CNTN4: variants seen among roughly 807,000 people sequenced by gnomAD.
The protein encoded by CNTN4 is contactin 4.
CNTN4 carries 77 observed loss-of-function variants against 122.5 expected under a neutral mutation model. That is an observed-to-expected ratio of 0.63 (90% CI 0.52 to 0.76). CNTN4 has a LOEUF of 0.76. Among genes scored for constraint, CNTN4 ranks in the 30% least tolerant of loss-of-function variants. The probability of loss-of-function intolerance (pLI) is 0.00; values close to 1 mark genes in which losing one functional copy is unlikely to be tolerated. For missense variants in CNTN4, 1,256 were observed against 1,259.1 expected (o/e 1.00, Z 0.04); for synonymous variants, 512 against 447.0 (o/e 1.15, Z -1.83).
chr3:2,850,859 TTTAAC>T (rs536601969), intron 7 of CNTN4, among the ~76,000 whole-genome samples: 7 of 152,298 alleles, frequency 4.6e-5, no homozygotes, highest in African/African-American at 1.7e-4. Flanking sequence ...TGGGGAAACT[TTTAAC>T]TTAAGAATGT....
chr3:2,294,251 C>T (rs1270225386), intron 2 of CNTN4, among the ~76,000 whole-genome samples: 1 of 150,466 alleles, frequency 6.6e-6, no homozygotes, highest in African/African-American at 2.4e-5. Context: ...CAGGAGCTGC[C>T]AAGTTACATT....
intron 13 of CNTN4, among the ~76,000 whole-genome samples, chr3:2,962,113 C>T (rs2094866747): frequency 6.6e-6 from 1 of 152,210 alleles, no homozygotes; most frequent in Non-Finnish European, 1.5e-5. Context: ...TAGGTCAACC[C>T]TATATGATTT....
At chr3:2,415,156 G>A (rs904526765) in intron 3 of CNTN4, among the ~76,000 whole-genome samples, 1 of 152,168 alleles carries the variant, frequency 6.6e-6, no homozygotes, top group African/African-American at 2.4e-5. Context: ...GAGTCATACT[G>A]CAGTGTTAAA....
At chr3:2,528,818 AT>A (rs2149214454) in intron 3 of CNTN4, among the ~76,000 whole-genome samples, 1 of 151,954 alleles carries the variant, frequency 6.6e-6, no homozygotes, top group South Asian at 2.1e-4. Flanking sequence ...CTATTTCTTG[AT>A]TTTTTTCACT....
chr3:2,383,752 C>G (rs189298137), intron 3 of CNTN4, among the ~76,000 whole-genome samples: 2 of 149,592 alleles, frequency 1.3e-5, no homozygotes, highest in Admixed American at 6.7e-5. Flanking sequence ...TTCTCCCTCT[C>G]CTCTCTTCTC....
At position 2,955,560 on chromosome 3, in the gene CNTN4, T is replaced by C. The variant is rs116552928; in HGVS notation, c.1358+29781T>C. Among the ~76,000 whole-genome samples the C allele has an allele frequency of 6.4e-3, 979 of 152,300 alleles. 10 individuals are homozygous for C. Among genetic ancestry groups the C allele is most frequent in the African/African-American group, 0.021 (884 of 41,572 alleles). ...CCAGAAAGTCCCAGGAAAAGTCTCA[T>C]TGTAGCTTACTGACTCTGATTGAGT... On this transcript the variant is annotated intron_variant, in intron 13 of 24. Coordinates refer to ENST00000418658, the MANE Select transcript of CNTN4 (RefSeq NM_175607.3).
intron 6 of CNTN4, among the ~76,000 whole-genome samples, chr3:2,763,015 C>G (rs1576696275): frequency 6.7e-6 from 1 of 149,444 alleles, no homozygotes; most frequent in South Asian, 2.1e-4. Flanking sequence ...GATCTCAGCT[C>G]TCCACAAGCT....
intron 13 of CNTN4, among the ~76,000 whole-genome samples, chr3:2,949,645 A>C (rs553468691): frequency 6.6e-6 from 1 of 152,258 alleles, no homozygotes; most frequent in Admixed American, 6.5e-5. Flanking sequence ...ATTGCTCCTT[A>C]AATTCTACTC....
intron 4 of CNTN4, among the ~76,000 whole-genome samples, chr3:2,692,097 C>A (rs372448002): frequency 1.3e-5 from 2 of 151,802 alleles, no homozygotes; most frequent in Non-Finnish European, 2.9e-5. Flanking sequence ...ATCTCAGATT[C>A]TTAAACTTAA....
intron 2 of CNTN4, among the ~76,000 whole-genome samples, chr3:2,256,423 C>A (rs2040594483): frequency 6.6e-6 from 1 of 152,168 alleles, no homozygotes; most frequent in South Asian, 2.1e-4. Context: ...AAGAGGGAAT[C>A]CTCCCTAACT....
chr3:2,729,725 C>A (rs62234569), intron 4 of CNTN4, among the ~76,000 whole-genome samples: 2,548 of 151,844 alleles, frequency 0.017, 43 homozygotes, highest in East Asian at 0.07. Flanking sequence ...CCGGCCTGAC[C>A]AACATGCTGA....
chr3:2,224,804 C>T (rs1226598963), intron 2 of CNTN4, among the ~76,000 whole-genome samples: 1 of 152,012 alleles, frequency 6.6e-6, no homozygotes, highest in Non-Finnish European at 1.5e-5. Context: ...CAGGTTGACT[C>T]AATCTGTAAA....
chr3:2,244,689 A>G (rs1168958289), intron 2 of CNTN4, among the ~76,000 whole-genome samples: 3 of 152,074 alleles, frequency 2.0e-5, no homozygotes, highest in African/African-American at 7.2e-5. Flanking sequence ...CAGTCCTGGA[A>G]AGGAAATTAT....
intron 3 of CNTN4, among the ~76,000 whole-genome samples, chr3:2,555,371 T>C (rs1358641117): frequency 6.6e-6 from 1 of 152,182 alleles, no homozygotes; most frequent in Non-Finnish European, 1.5e-5. Context: ...TTTAAATCAG[T>C]TCAACATATA....
intron 13 of CNTN4, among the ~76,000 whole-genome samples, chr3:2,952,246 GCTCCCTATGTAT>G (rs150892779): frequency 0.071 from 10,846 of 152,246 alleles, 533 homozygotes; most frequent in Non-Finnish European, 0.099. Context: ...TGGACTCACA[GCTCCCTATGTAT>G]GTTGAACTCT....
chr3:2,355,056 A>G (rs570060832), intron 3 of CNTN4, among the ~76,000 whole-genome samples: 1 of 152,312 alleles, frequency 6.6e-6, no homozygotes, highest in Admixed American at 6.5e-5. Context: ...TGTATTAGCT[A>G]TTTAAAGTTG....
intron 13 of CNTN4, among the ~76,000 whole-genome samples, chr3:2,973,214 C>G (rs1238640850): frequency 6.6e-6 from 1 of 152,026 alleles, no homozygotes; most frequent in African/African-American, 2.4e-5. Context: ...GCTGTAAGGA[C>G]TTGAGTCGAT....
chr3:2,404,256 G>A (rs2046953865), intron 3 of CNTN4, among the ~76,000 whole-genome samples: 1 of 152,108 alleles, frequency 6.6e-6, no homozygotes, highest in Non-Finnish European at 1.5e-5. Flanking sequence ...TCTGCTTAGG[G>A]TCTCACAAGG....
At chr3:2,536,012 A>G (rs1032021801) in intron 3 of CNTN4, among the ~76,000 whole-genome samples, 4 of 152,152 alleles carry the variant, frequency 2.6e-5, no homozygotes, top group African/African-American at 9.6e-5. Context: ...AGAAAGAACA[A>G]TGAGTAGATT....
Sources: gnomAD v4.1 joint callset for allele counts (sites outside exome capture counted in the v4.1 genomes callset) on GRCh38, gnomAD v4.1.1 for gene constraint, MANE v1.5 for transcripts, NCBI Gene and HGNC (gene_info 2026-07-23, HGNC 2026-07-21) for gene names.